DSCAML1: variants seen among roughly 807,000 people sequenced by gnomAD.
DSCAML1 encodes DS cell adhesion molecule like 1.
In DSCAML1, 38 loss-of-function variants were observed where a neutral mutation model predicts 200.5. The observed-to-expected ratio is 0.19, with a 90% CI of 0.15 to 0.25. DSCAML1 has a LOEUF of 0.25. Ranked by LOEUF, DSCAML1 falls within the 10% of genes least tolerant of loss-of-function variation. The pLI is 1.00. For synonymous variants in DSCAML1, 1,215 were observed against 1,165.0 expected, an observed-to-expected ratio of 1.04 and a Z score of -0.87; for missense variants, 2,223 against 2,858.8, an observed-to-expected ratio of 0.78 and a Z score of 5.07.
At chr11:117,511,341 G>A (rs958635300) in intron 8 of DSCAML1, among the ~76,000 whole-genome samples, 1 of 152,120 alleles carries the variant, frequency 6.6e-6, no homozygotes, top group Admixed American at 6.5e-5. Flanking sequence ...AGAAGCCCTC[G>A]GAAGCTCAGA....
chr11:117,736,782 G>A (rs762896082), intron 3 of DSCAML1, among the ~76,000 whole-genome samples: 1 of 152,206 alleles, frequency 6.6e-6, no homozygotes, highest in Non-Finnish European at 1.5e-5. Flanking sequence ...CAAGCAAATG[G>A]TTTTGGCAAT....
At chr11:117,511,023 G>A (rs557497021) in intron 8 of DSCAML1, among the ~76,000 whole-genome samples, 1 of 152,290 alleles carries the variant, frequency 6.6e-6, no homozygotes, top group Non-Finnish European at 1.5e-5. Context: ...TGGCCAGGTG[G>A]CTGACTCTCC....
At chr11:117,578,096 G>A (rs2050979263) in intron 3 of DSCAML1, among the ~76,000 whole-genome samples, 1 of 151,866 alleles carries the variant, frequency 6.6e-6, no homozygotes, top group Admixed American at 6.5e-5. Context: ...TTAGCTGGGT[G>A]TGGTGGTGCA....
At chr11:117,748,764 G>A (rs1458880798) in intron 3 of DSCAML1, among the ~76,000 whole-genome samples, 1 of 152,198 alleles carries the variant, frequency 6.6e-6, no homozygotes, top group Non-Finnish European at 1.5e-5. Context: ...AGGGAGACCT[G>A]ACCATCTAGG....
chr11:117,733,904 T>G (rs547490568), intron 3 of DSCAML1, among the ~76,000 whole-genome samples: 10 of 148,620 alleles, frequency 6.7e-5, no homozygotes, highest in Non-Finnish European at 1.3e-4. Context: ...GGAGAATTCA[T>G]CTCCCTCTGG....
At chr11:117,788,524 G>A (rs1342502096) in intron 1 of DSCAML1, among the ~76,000 whole-genome samples, 3 of 151,934 alleles carry the variant, frequency 2.0e-5, no homozygotes, top group Non-Finnish European at 2.9e-5. Flanking sequence ...ATGGGGTTTC[G>A]CCATGTTGGC....
intron 3 of DSCAML1, among the ~76,000 whole-genome samples, chr11:117,701,683 C>T (rs1262777838): frequency 6.6e-6 from 1 of 152,174 alleles, no homozygotes; most frequent in Non-Finnish European, 1.5e-5. Context: ...AACAAAAATG[C>T]CGTGTCAGGA....
intron 3 of DSCAML1, among the ~76,000 whole-genome samples, chr11:117,571,938 C>A (rs2050853487): frequency 6.6e-6 from 1 of 152,186 alleles, no homozygotes; most frequent in Non-Finnish European, 1.5e-5. Context: ...TTGCTACACT[C>A]CCACCAGCGC....
intron 3 of DSCAML1, among the ~76,000 whole-genome samples, chr11:117,534,299 A>AACT (rs2050129206): frequency 6.6e-6 from 1 of 152,222 alleles, no homozygotes; most frequent in South Asian, 2.1e-4. Context: ...GAGGCCGTAG[A>AACT]ACTGCAGGGC....
intron 3 of DSCAML1, among the ~76,000 whole-genome samples, chr11:117,604,867 G>A (rs2051534148): frequency 2.0e-5 from 3 of 152,218 alleles, no homozygotes; most frequent in Admixed American, 2.0e-4. Context: ...TGGGATCCAG[G>A]GCTCCCTGCC....
intron 11 of DSCAML1, among the ~76,000 whole-genome samples, chr11:117,496,878 C>G (rs2049298702): frequency 1.3e-5 from 2 of 152,228 alleles, no homozygotes; most frequent in Non-Finnish European, 2.9e-5. Context: ...CACATGGAGA[C>G]TGTTCTATTC....
chr11:117,564,630 C>CCT (rs1280324685), intron 3 of DSCAML1, among the ~76,000 whole-genome samples: 5 of 151,606 alleles, frequency 3.3e-5, no homozygotes, highest in African/African-American at 4.9e-5. Context: ...TCTGCTCAAA[C>CCT]CTCTCTCTCT....
Position 117,482,048 on chromosome 11 carries a change from C to G in DSCAML1, c.2474G>C (p.Gly825Ala). 3 of 1,614,196 alleles carry G rather than the reference C, an allele frequency of 1.9e-6. No individual in the cohort carries two copies. Among genetic ancestry groups the G allele is most frequent in the Non-Finnish European group, 2.5e-6 (3 of 1,180,014 alleles). The stretch of plus-strand genomic sequence containing the variant: ...GCGGTCAGGGTCGATGACTGTGTCC[C>G]CCTTCTCCCAGCGGATGATGATGGG... Reference protein sequence around the residue: ...ERPIIIRWEKGDTVIDPDRVM... With the variant: ...ERPIIIRWEKADTVIDPDRVM... Residue 825 changes from glycine (G) to alanine (A), a missense_variant, in exon 12 of 33, where the codon GGG becomes GCG. Physicochemically the swap from Gly to Ala is moderately conservative, Grantham distance 60. Transcript: ENST00000651296.
rs144845990 is a variant in DSCAML1 at position 117,785,537 on chromosome 11, C to T, written c.47-4727G>A. On this transcript the variant is annotated intron_variant, in intron 1 of 32. Coordinates refer to ENST00000651296, the MANE Select transcript of DSCAML1 (RefSeq NM_020693.4). The stretch of plus-strand genomic sequence containing the variant: ...CTGGATTGAGGAGTTTGGGCCTCAG[C>T]GGTGGAAGACAGTTGGGGGTCGAAG... Among the ~76,000 whole-genome samples, 123 of 151,534 alleles carry T rather than the reference C, an allele frequency of 8.1e-4. No homozygotes were observed. The East Asian group carries it at 0.012, about 14-fold the overall frequency.
Position 117,780,590 on chromosome 11 carries a change from G to A in DSCAML1, c.267C>T (p.Pro89=), listed in dbSNP as rs766271261. 6.6e-5 allele frequency: 104 copies of A among 1,583,230 alleles called. No individual in the cohort carries two copies. In the East Asian group the frequency reaches 1.3e-3, roughly 20 times the overall value. ...CGTGGATAAAGCTATTGAAGGCGGA[G>A]GGGGAGAAGGGGTAGAGCTGCAGCG... ...NGTLQLYPFS[P]SAFNSFIHDN... is the part of the protein sequence containing the mutation. Residue 89 remains proline (P), a synonymous_variant, in exon 2 of 33, where the codon CCC becomes CCT. Coordinates refer to ENST00000651296, the MANE Select transcript of DSCAML1 (RefSeq NM_020693.4). The surrounding 1 kb of genome is among the most constrained non-coding windows in gnomAD (Gnocchi z 4.8).
chr11:117,627,362 G>A (rs895852790), intron 3 of DSCAML1, among the ~76,000 whole-genome samples: 2 of 152,024 alleles, frequency 1.3e-5, no homozygotes, highest in African/African-American at 4.8e-5. Flanking sequence ...GTTTTCATTC[G>A]CCCTGCCCTG....
chr11:117,535,671 T>C (rs573112643), intron 3 of DSCAML1, among the ~76,000 whole-genome samples: 1 of 152,228 alleles, frequency 6.6e-6, no homozygotes, highest in Admixed American at 6.5e-5. Flanking sequence ...TAATTTATTA[T>C]GTAACTGGGA....
intron 3 of DSCAML1, among the ~76,000 whole-genome samples, chr11:117,657,269 C>T (rs2052754912): frequency 1.3e-5 from 2 of 152,130 alleles, no homozygotes; most frequent in African/African-American, 4.8e-5. Context: ...CCAATGGGCT[C>T]CTGAGAAAGA....
chr11:117,570,481 T>C (rs1347776895), intron 3 of DSCAML1, among the ~76,000 whole-genome samples: 4 of 152,222 alleles, frequency 2.6e-5, no homozygotes, highest in African/African-American at 4.8e-5. Context: ...CCCTCTGCAC[T>C]GAAATATAAG....
Sources: allele counts gnomAD v4.1 joint callset (sites outside exome capture counted in the v4.1 genomes callset), GRCh38; gene constraint gnomAD v4.1.1; non-coding constraint Gnocchi (gnomAD v3.1); transcripts MANE v1.5; gene names NCBI Gene and HGNC (gene_info 2026-07-23, HGNC 2026-07-21).